Variants in SBF2 observed in about 807,000 individuals in gnomAD.
SBF2 encodes the protein SET binding factor 2.
SBF2 carries 112 observed loss-of-function variants against 225.2 expected under a neutral mutation model. The observed-to-expected ratio is 0.50, with a 90% CI of 0.43 to 0.58. The LOEUF (loss-of-function observed/expected upper bound fraction) is 0.58. Among genes scored for constraint, SBF2 ranks in the 20% least tolerant of loss-of-function variants. The probability of loss-of-function intolerance (pLI) is 0.00; values close to 1 mark genes in which losing one functional copy is unlikely to be tolerated. For missense variants in SBF2, 1,996 were observed against 2,206.2 expected, an observed-to-expected ratio of 0.90 and a Z score of 1.91; for synonymous variants, 763 against 773.3, an observed-to-expected ratio of 0.99 and a Z score of 0.22.
chr11:9,922,050 C>A (rs937080961), intron 16 of SBF2, among the ~76,000 whole-genome samples: 3 of 151,928 alleles, frequency 2.0e-5, no homozygotes, highest in Non-Finnish European at 4.4e-5. Flanking sequence ...GTTTTAAGAC[C>A]AGCCTGGGCA....
chr11:10,203,291 G>A (rs983612506), intron 1 of SBF2, among the ~76,000 whole-genome samples: 1 of 152,114 alleles, frequency 6.6e-6, no homozygotes, highest in African/African-American at 2.4e-5. Context: ...CAAGGCCAGG[G>A]ACTGTTTTTG....
intron 2 of SBF2, among the ~76,000 whole-genome samples, chr11:10,153,395 T>C (rs1009276722): frequency 4.6e-5 from 7 of 152,050 alleles, no homozygotes; most frequent in Non-Finnish European, 7.4e-5. Context: ...ATCTACAAAA[T>C]CTCACAATAT....
At chr11:9,882,547 G>T (rs1323030649) in intron 17 of SBF2, among the ~76,000 whole-genome samples, 1 of 152,140 alleles carries the variant, frequency 6.6e-6, no homozygotes, top group Non-Finnish European at 1.5e-5. Context: ...GGTGGCTCAT[G>T]TCTGTAATCC....
chr11:9,959,188 C>A, intron 16 of SBF2: 1 of 798,962 alleles, frequency 1.3e-6, no homozygotes, highest in Non-Finnish European at 2.3e-6. Flanking sequence ...TTCACAGGGT[C>A]CGATTTGGAA....
intron 6 of SBF2, among the ~76,000 whole-genome samples, chr11:10,008,491 G>A (rs776244802): frequency 1.3e-5 from 2 of 152,234 alleles, no homozygotes; most frequent in African/African-American, 4.8e-5. Flanking sequence ...AAAGGGCTCA[G>A]GAAAAGGAGA....
chr11:10,223,831 T>C (rs1167366244), intron 1 of SBF2, among the ~76,000 whole-genome samples: 1 of 152,046 alleles, frequency 6.6e-6, no homozygotes, highest in Non-Finnish European at 1.5e-5. Flanking sequence ...ACTGGCATCA[T>C]ATGGTATTTT....
chr11:9,990,511 C>T (rs939036930), intron 12 of SBF2, among the ~76,000 whole-genome samples: 12 of 152,274 alleles, frequency 7.9e-5, no homozygotes, highest in East Asian at 7.7e-4. Flanking sequence ...CCCATGCAAA[C>T]GGCCAAAGAG....
intron 23 of SBF2, among the ~76,000 whole-genome samples, chr11:9,846,402 G>C (rs1484786831): frequency 6.6e-6 from 1 of 152,172 alleles, no homozygotes; most frequent in East Asian, 1.9e-4. Flanking sequence ...TTTAAGAACA[G>C]GAAAAACTAA....
At chr11:10,082,876 T>A (rs1165258058) in intron 2 of SBF2, among the ~76,000 whole-genome samples, 1 of 152,012 alleles carries the variant, frequency 6.6e-6, no homozygotes, top group Non-Finnish European at 1.5e-5. Flanking sequence ...GTACTGGAAA[T>A]CCCAGCCAGA....
intron 2 of SBF2, among the ~76,000 whole-genome samples, chr11:10,101,814 G>A (rs895978486): frequency 6.6e-6 from 1 of 152,082 alleles, no homozygotes; most frequent in African/African-American, 2.4e-5. Context: ...ATGTCTTTCA[G>A]TGTCGTTCTG....
At chr11:9,828,413 TAG>T (rs773476528) in intron 28 of SBF2, 4 of 985,324 alleles carry the variant, frequency 4.1e-6, no homozygotes, top group African/African-American at 3.5e-5. Context: ...TGCAAGATTA[TAG>T]AGAGTTAGGT....
chr11:9,794,269 A>T (rs1852949816), intron 33 of SBF2, among the ~76,000 whole-genome samples: 1 of 151,658 alleles, frequency 6.6e-6, no homozygotes, highest in Admixed American at 6.6e-5. Context: ...AAACACAACT[A>T]CTCCAAGGAG....
intron 2 of SBF2, among the ~76,000 whole-genome samples, chr11:10,093,156 G>A (rs2134925962): frequency 6.6e-6 from 1 of 151,644 alleles, no homozygotes; most frequent in Non-Finnish European, 1.5e-5. Context: ...AGCTGAGACT[G>A]CAGGTGCATC....
intron 2 of SBF2, among the ~76,000 whole-genome samples, chr11:10,185,290 A>G (rs1956893216): frequency 6.6e-6 from 1 of 152,200 alleles, no homozygotes; most frequent in Non-Finnish European, 1.5e-5. Flanking sequence ...CCAGAAGTGA[A>G]ATTGTTAGGT....
Position 9,935,647 on chromosome 11 carries a change from T to A in SBF2, c.1860+26310A>T, listed in dbSNP as rs577573145. On this transcript the variant is annotated intron_variant, in intron 16 of 39. Coordinates refer to ENST00000256190, the MANE Select transcript of SBF2 (RefSeq NM_030962.4). ...GAACAGAACAGAGGCCTCAGAAATA[T>A]CACCACACATCTACAACCATCTGAT... Among the ~76,000 whole-genome samples, 342 of 152,038 alleles carry A rather than the reference T, an allele frequency of 2.2e-3. 1 individual carries two copies. The highest frequency in any genetic ancestry group is 8.0e-3 in the African/African-American group (333 of 41,472).
intron 3 of SBF2, among the ~76,000 whole-genome samples, chr11:10,040,922 T>C (rs1450044524): frequency 6.6e-6 from 1 of 152,090 alleles, no homozygotes; most frequent in Non-Finnish European, 1.5e-5. Flanking sequence ...TTTAAAATTA[T>C]TTCCAAATTA....
intron 1 of SBF2, among the ~76,000 whole-genome samples, chr11:10,252,935 A>G (rs1960511883): frequency 6.6e-6 from 1 of 151,870 alleles, no homozygotes; most frequent in African/African-American, 2.4e-5. Flanking sequence ...TTTGTCTATA[A>G]ATCTTCTTCC....
At chr11:9,871,145 T>C (rs1335892787) in intron 17 of SBF2, among the ~76,000 whole-genome samples, 2 of 151,866 alleles carry the variant, frequency 1.3e-5, no homozygotes, top group Non-Finnish European at 2.9e-5. Context: ...AACTGACAAA[T>C]GGGATCTAAT....
intron 12 of SBF2, among the ~76,000 whole-genome samples, chr11:9,992,188 T>G (rs560699076): frequency 6.6e-6 from 1 of 152,144 alleles, no homozygotes; most frequent in Non-Finnish European, 1.5e-5. Flanking sequence ...TATTTAAAAT[T>G]CAGTTGTTCA....
Sources: allele counts gnomAD v4.1 joint callset (sites outside exome capture counted in the v4.1 genomes callset), GRCh38; gene constraint gnomAD v4.1.1; transcripts MANE v1.5; gene names NCBI Gene and HGNC (gene_info 2026-07-23, HGNC 2026-07-21).